Variants in PRH1 observed in about 807,000 individuals in gnomAD.
PRH1 encodes salivary acidic proline-rich phosphoprotein 1/2.
Under a neutral mutation model 7.9 loss-of-function variants are expected in PRH1, and 7 were observed. That is an observed-to-expected ratio of 0.89 (90% CI 0.50 to 1.67). The LOEUF (loss-of-function observed/expected upper bound fraction) is 1.67. Among genes scored for constraint, PRH1 ranks in the 40% most tolerant of loss-of-function variants. The pLI is 0.00. For missense variants in PRH1, 109 were observed against 223.6 expected (o/e 0.49, Z 3.27); for synonymous variants, 45 against 80.8 (o/e 0.56, Z 2.38).
chr12:11,054,332 A>G (rs1033176391), intron 1 of PRH1, among the ~76,000 whole-genome samples: 1 of 152,174 alleles, frequency 6.6e-6, no homozygotes, highest in Non-Finnish European at 1.5e-5. Context: ...ACTTACACAA[A>G]TACTCTGTGC....
chr12:11,040,797 A>G (rs1942675725), intron 1 of PRH1, among the ~76,000 whole-genome samples: 1 of 152,208 alleles, frequency 6.6e-6, no homozygotes, highest in Non-Finnish European at 1.5e-5. Flanking sequence ...ACCTGAGAAG[A>G]TGGAGTTAAG....
At chr12:11,169,367 T>C (rs1253906019) in intron 1 of PRH1, among the ~76,000 whole-genome samples, 1 of 152,218 alleles carries the variant, frequency 6.6e-6, no homozygotes, top group East Asian at 1.9e-4. Flanking sequence ...AGGAAATCTT[T>C]CTTCAGCTCT....
intron 1 of PRH1, among the ~76,000 whole-genome samples, chr12:11,067,782 G>A (rs1943890320): frequency 6.6e-6 from 1 of 152,186 alleles, no homozygotes; most frequent in Non-Finnish European, 1.5e-5. Context: ...AGAATTACTT[G>A]AGCCTGGATA....
intron 1 of PRH1, among the ~76,000 whole-genome samples, chr12:11,068,103 A>C (rs1446497936): frequency 2.0e-5 from 3 of 152,110 alleles, no homozygotes; most frequent in Admixed American, 2.0e-4. Context: ...AGAAAAAATT[A>C]TAACATTAAC....
intron 1 of PRH1, among the ~76,000 whole-genome samples, chr12:11,143,731 G>A (rs1249349402): frequency 2.6e-5 from 4 of 151,884 alleles, no homozygotes; most frequent in Non-Finnish European, 4.4e-5. Context: ...ACTATGAAGC[G>A]ACAAAGAAGG....
chr12:11,091,129 T>C (rs1240241291), intron 1 of PRH1, among the ~76,000 whole-genome samples: 2,746 of 60,528 alleles, frequency 0.045, 842 homozygotes, highest in Middle Eastern at 0.094. Flanking sequence ...TATATATATA[T>C]ATATATATAT....
chr12:11,162,925 G>A lies in PRH1; in HGVS notation n.39+8497C>T, dbSNP rs917940581. On this transcript the variant is annotated intron_variant and non_coding_transcript_variant, in intron 1 of 1. Coordinates refer to the PRH1 transcript ENST00000541175. ...ATAATTGCAGAGAGAAGGGATACATGGAACACTATTCAGCTGTAAAAAGAA... is the reference window on the plus strand; with the variant it reads ...ATAATTGCAGAGAGAAGGGATACATAGAACACTATTCAGCTGTAAAAAGAA... Among the ~76,000 whole-genome samples the A allele has an allele frequency of 5.3e-5, 8 of 152,194 alleles. No homozygotes were observed. In the South Asian group the frequency reaches 1.2e-3, roughly 24 times the overall value.
chr12:10,912,726 T>C (rs1233452112), intron 2 of PRH1, among the ~76,000 whole-genome samples: 1 of 152,110 alleles, frequency 6.6e-6, no homozygotes, highest in Non-Finnish European at 1.5e-5. Context: ...AAATTTATTG[T>C]GATTTTTCTT....
rs866869548 is a variant in PRH1 at position 11,108,922 on chromosome 12, G to C, written n.124-61734C>G. Among the ~76,000 whole-genome samples, 23 of 152,294 alleles carry C rather than the reference G, an allele frequency of 1.5e-4. 1 individual carries two copies. Among genetic ancestry groups the C allele is most frequent in the South Asian group, 8.3e-4 (4 of 4,820 alleles). ...CCAGCAAGCTAAGATCCACTGGTTTGACATTCTCACTGCTAGTTTAGCAGT... is the reference window on the plus strand; with the variant it reads ...CCAGCAAGCTAAGATCCACTGGTTTCACATTCTCACTGCTAGTTTAGCAGT... On this transcript the variant is annotated intron_variant and non_coding_transcript_variant, in intron 1 of 4. Coordinates refer to the PRH1 transcript ENST00000541977.
chr12:11,155,502 A>G (rs980955045), intron 1 of PRH1, among the ~76,000 whole-genome samples: 1 of 152,228 alleles, frequency 6.6e-6, no homozygotes, highest in African/African-American at 2.4e-5. Context: ...TTAACACAGG[A>G]AGTTGTGAAG....
chr12:10,937,656 G>A lies in PRH1; in HGVS notation c.-59+35999C>T, dbSNP rs530643124. ...AAAAAAGAATTACAAGTAGTAAAAT[G>A]GAGAAGTAAAATAATCATTATAAGT... On this transcript the variant is annotated intron_variant, in intron 2 of 3. Transcript: ENST00000539853. The A allele has an allele frequency of 2.6e-5, 4 of 152,188 alleles. No homozygotes were observed. In the East Asian group the frequency reaches 7.7e-4, roughly 29 times the overall value. The allele number at this position is 152,188 out of a possible 1,614,324, so 9.4% of individuals were successfully genotyped here.
intron 2 of PRH1, among the ~76,000 whole-genome samples, chr12:10,916,835 CCCAGGAGTTTGAGA>C: frequency 6.6e-6 from 1 of 151,722 alleles, no homozygotes; most frequent in African/African-American, 2.4e-5. Flanking sequence ...ATATCTTGAG[CCCAGGAGTTTGAGA>C]CCAGCCTGAA....
chr12:10,988,978 T>C (rs1460061863), intron 1 of PRH1, among the ~76,000 whole-genome samples: 1 of 152,154 alleles, frequency 6.6e-6, no homozygotes, highest in African/African-American at 2.4e-5. Context: ...AGCTAACTTT[T>C]TGTATTTTTA....
chr12:11,077,153 C>G (rs1193671082), intron 1 of PRH1: 1 of 104,372 alleles, frequency 9.6e-6, no homozygotes, highest in African/African-American at 3.0e-5. Flanking sequence ...TATACACATG[C>G]ACACATATAC....
At chr12:10,983,309 C>G (rs1304375813) in intron 1 of PRH1, among the ~76,000 whole-genome samples, 6 of 152,200 alleles carry the variant, frequency 3.9e-5, no homozygotes, top group Non-Finnish European at 7.3e-5. Context: ...AAGCACAAGA[C>G]CCTGTGCAAC....
At chr12:10,923,929 T>G (rs373539066) in intron 2 of PRH1, among the ~76,000 whole-genome samples, 217 of 152,240 alleles carry the variant, frequency 1.4e-3, no homozygotes, top group African/African-American at 5.1e-3. Flanking sequence ...ATCACTCTCT[T>G]TTCACTCTTT....
chr12:10,902,595 G>GA (rs1166559196), intron 2 of PRH1, among the ~76,000 whole-genome samples: 1 of 151,994 alleles, frequency 6.6e-6, no homozygotes, highest in East Asian at 1.9e-4. Flanking sequence ...CTACACTAAA[G>GA]AAAAAAATCT....
chr12:10,939,552 T>TG (rs1491145385), intron 2 of PRH1, among the ~76,000 whole-genome samples: 7 of 49,452 alleles, frequency 1.4e-4, no homozygotes, highest in South Asian at 6.1e-4. Context: ...GGTTTGTGTG[T>TG]TTTTTTTTTT....
chr12:11,102,273 C>T (rs373575552), intron 1 of PRH1, among the ~76,000 whole-genome samples: 37 of 152,280 alleles, frequency 2.4e-4, no homozygotes, highest in Non-Finnish European at 3.8e-4. Flanking sequence ...GGAGGCATCA[C>T]GCTACCTGAC....
Sources: allele counts gnomAD v4.1 joint callset (sites outside exome capture counted in the v4.1 genomes callset), GRCh38; gene constraint gnomAD v4.1.1; transcripts MANE v1.5; gene names NCBI Gene and HGNC (gene_info 2026-07-23, HGNC 2026-07-21).